The following SORD variants were observed in gnomAD, a reference collection of about 807,000 sequenced individuals.
The protein encoded by SORD is (R,R)-butanediol dehydrogenase.
SORD carries 18 observed loss-of-function variants against 35.6 expected under a neutral mutation model. The ratio of observed to expected loss-of-function variants is 0.51; its 90% CI spans 0.35 to 0.75. The LOEUF is 0.75. SORD is among the 30% of genes least tolerant of loss of function. The probability of loss-of-function intolerance (pLI) is 0.01; values close to 1 mark genes in which losing one functional copy is unlikely to be tolerated. For missense variants in SORD, 250 were observed against 390.2 expected, an observed-to-expected ratio of 0.64 and a Z score of 3.03; for synonymous variants, 106 against 152.9, an observed-to-expected ratio of 0.69 and a Z score of 2.26.
At chr15:45,045,544 CAAAAAAAAAAAAAA>C (rs58487905) in intron 3 of SORD, among the ~76,000 whole-genome samples, 1 of 62,822 alleles carries the variant, frequency 1.6e-5, no homozygotes, top group African/African-American at 6.2e-5. Context: ...GACTCCATCT[CAAAAAAAAAAAAAA>C]AAAAAAAAAA....
intron 6 of SORD, 91 bp from the exon 7 acceptor site, chr15:45,068,786 G>T (rs1342567330): frequency 2.1e-6 from 3 of 1,423,610 alleles, no homozygotes; most frequent in Non-Finnish European, 2.8e-6. Context: ...GTTGCCATCA[G>T]ATCTTACATC....
Position 45,023,343 on chromosome 15 carries a change from G to C in SORD, c.60G>C (p.Leu20Phe). 5.1e-6 allele frequency: 8 copies of C among 1,577,512 alleles called. No individual in the cohort carries two copies. Among genetic ancestry groups the C allele is most frequent in the Non-Finnish European group, 6.9e-6 (8 of 1,162,930 alleles). ...TGGTGGTGCACGGACCGGGGGACTT[G>C]CGCCTGGTAAGCTGGGAAGGAGGGT... Reference protein sequence around the residue: ...LSLVVHGPGDLRLENYPIPEP... With the variant: ...LSLVVHGPGDFRLENYPIPEP... Residue 20 changes from leucine (L) to phenylalanine (F), a missense_variant, in exon 1 of 9, where the codon TTG becomes TTC. By Grantham distance (22) the Leu-to-Phe change is conservative. This residue lies in a region of SORD where 43 missense variants were observed against 30.6 expected (regional missense o/e 1.40). Coordinates refer to ENST00000267814, the MANE Select transcript of SORD (RefSeq NM_003104.6).
chr15:45,045,968 T>C (rs2141272288), intron 3 of SORD, among the ~76,000 whole-genome samples: 1 of 152,026 alleles, frequency 6.6e-6, no homozygotes, highest in Admixed American at 6.6e-5. Flanking sequence ...ACCACTGCAC[T>C]CCAGCTTGGG....
At chr15:45,044,182 A>C (rs1219644004) in intron 3 of SORD, among the ~76,000 whole-genome samples, 1 of 152,250 alleles carries the variant, frequency 6.6e-6, no homozygotes, top group East Asian at 1.9e-4. Flanking sequence ...GAAGTCAAGA[A>C]GGCTCCTGTG....
chr15:45,026,976 G>T (rs1892682037), intron 1 of SORD, among the ~76,000 whole-genome samples: 3 of 152,244 alleles, frequency 2.0e-5, no homozygotes, highest in African/African-American at 4.8e-5. Flanking sequence ...CTTGATGTAT[G>T]GCTGCACGGA....
At chr15:45,035,553 C>T (rs1170905621) in intron 1 of SORD, among the ~76,000 whole-genome samples, 2 of 152,148 alleles carry the variant, frequency 1.3e-5, no homozygotes, top group Non-Finnish European at 2.9e-5. Context: ...TGGGCTCTAG[C>T]AATCAGCAGG....
intron 5 of SORD, among the ~76,000 whole-genome samples, chr15:45,066,933 C>A (rs1306800421): frequency 1.3e-5 from 2 of 152,218 alleles, no homozygotes; most frequent in Non-Finnish European, 2.9e-5. Context: ...CCCCAACACA[C>A]ACACACAGAA....
At chr15:45,029,245 T>C (rs73421327) in intron 1 of SORD, among the ~76,000 whole-genome samples, 30,581 of 150,970 alleles carry the variant, frequency 0.2, no homozygotes, top group African/African-American at 0.44. Context: ...TTAAATCCAG[T>C]AAACACTCCC....
At chr15:45,038,732 T>C (rs1566958680) in intron 1 of SORD, among the ~76,000 whole-genome samples, 3 of 152,218 alleles carry the variant, frequency 2.0e-5, no homozygotes, top group Admixed American at 6.5e-5. Context: ...CTAAGCACAG[T>C]GATAGTACCG....
chr15:45,035,024 C>T (rs915815824), intron 1 of SORD, among the ~76,000 whole-genome samples: 2 of 152,126 alleles, frequency 1.3e-5, no homozygotes, highest in African/African-American at 2.4e-5. Flanking sequence ...AGTGCCGGCC[C>T]GCCGGCGCTG....
chr15:45,048,621 C>T (rs1893081748), intron 3 of SORD, among the ~76,000 whole-genome samples: 1 of 152,164 alleles, frequency 6.6e-6, no homozygotes, highest in African/African-American at 2.4e-5. Flanking sequence ...GTCCCAGCGA[C>T]TTGTAAAGCA....
chr15:45,026,135 G>T (rs1245152682), intron 1 of SORD, among the ~76,000 whole-genome samples: 4 of 152,280 alleles, frequency 2.6e-5, no homozygotes, highest in African/African-American at 4.8e-5. Flanking sequence ...CTCAGGCATG[G>T]TCTTCCACCA....
chr15:45,049,892 G>A (rs1893099779), intron 3 of SORD, among the ~76,000 whole-genome samples: 1 of 152,186 alleles, frequency 6.6e-6, no homozygotes, highest in Non-Finnish European at 1.5e-5. Context: ...AAGTTTTGAA[G>A]CATATTTTTC....
intron 3 of SORD, chr15:45,058,538 C>T (rs1345924737): frequency 6.6e-6 from 1 of 151,870 alleles, no homozygotes; most frequent in Non-Finnish European, 1.5e-5. Context: ...GGGGCTGCTC[C>T]TACTCACCCT....
intron 3 of SORD, among the ~76,000 whole-genome samples, chr15:45,048,423 C>G (rs934341507): frequency 5.9e-5 from 9 of 152,126 alleles, no homozygotes; most frequent in African/African-American, 2.2e-4. Context: ...TGAAAAACAA[C>G]TAGAGATGGA....
chr15:45,045,770 G>A (rs184162651), intron 3 of SORD, among the ~76,000 whole-genome samples: 10 of 152,244 alleles, frequency 6.6e-5, no homozygotes, highest in Admixed American at 5.2e-4. Context: ...TTGGGAGGCC[G>A]AGGCAGAAAA....
At chr15:45,057,190 A>G (rs75441157) in intron 3 of SORD, among the ~76,000 whole-genome samples, 96 of 152,372 alleles carry the variant, frequency 6.3e-4, no homozygotes, top group African/African-American at 2.2e-3. Flanking sequence ...AGATGCAGTA[A>G]AACTGAATTG....
chr15:45,035,154 G>A (rs1192172809), intron 1 of SORD, among the ~76,000 whole-genome samples: 3 of 152,146 alleles, frequency 2.0e-5, no homozygotes, highest in South Asian at 4.1e-4. Context: ...GAGCCTCCCC[G>A]ACGAGTGCCG....
At position 45,073,502 on chromosome 15, in the gene SORD, A is replaced by T; in HGVS notation, c.1046A>T (p.Lys349Met). 6.4e-7 allele frequency: 1 copy of T among 1,569,988 alleles called. No homozygotes were observed. Among genetic ancestry groups the T allele is most frequent in the Non-Finnish European group, 8.6e-7 (1 of 1,165,702 alleles). Residue 349 changes from lysine (K) to methionine (M), a missense_variant, in exon 9 of 9, where the codon AAG (lysine) becomes ATG (methionine). This residue lies in a region of SORD where 17 missense variants were observed against 26.2 expected (regional missense o/e 0.65). Coordinates refer to ENST00000267814, the MANE Select transcript of SORD (RefSeq NM_003104.6). ...GGATTGGGGTTGAAAATCATGCTCA[A>T]GTGTGACCCCAGTGACCAGAATCCC... ...KKGLGLKIML[K>M]CDPSDQNP
Sources: gnomAD v4.1 joint callset for allele counts (sites outside exome capture counted in the v4.1 genomes callset) on GRCh38, gnomAD v4.1.1 for gene constraint, gnomAD v4.1.1 regional missense constraint, MANE v1.5 for transcripts, NCBI Gene and HGNC (gene_info 2026-07-23, HGNC 2026-07-21) for gene names.